Variants in PCGF5 observed in about 807,000 individuals in gnomAD.
PCGF5 encodes polycomb group ring finger 5.
PCGF5 carries 9 observed loss-of-function variants against 44.3 expected under a neutral mutation model. The ratio of observed to expected loss-of-function variants is 0.20; its 90% CI spans 0.12 to 0.35. PCGF5 has a LOEUF of 0.35. Ranked by LOEUF, PCGF5 falls within the 10% of genes least tolerant of loss-of-function variation. The pLI is 1.00. For missense variants in PCGF5, 146 were observed against 305.3 expected, an observed-to-expected ratio of 0.48 and a Z score of 3.89; for synonymous variants, 95 against 102.5, an observed-to-expected ratio of 0.93 and a Z score of 0.44.
chr10:91,263,857 A>G (rs1323485289), intron 7 of PCGF5, among the ~76,000 whole-genome samples: 4 of 152,216 alleles, frequency 2.6e-5, no homozygotes, highest in Non-Finnish European at 4.4e-5. Flanking sequence ...CCTGTGGCAT[A>G]GTCGTAACTT....
chr10:91,171,923 A>G (rs1337283730), intron 1 of PCGF5, among the ~76,000 whole-genome samples: 3 of 152,324 alleles, frequency 2.0e-5, no homozygotes, highest in South Asian at 2.1e-4. Flanking sequence ...CTTTAAAACT[A>G]TGGAATACAC....
At chr10:91,184,032 T>C (rs2133198047) in intron 1 of PCGF5, among the ~76,000 whole-genome samples, 1 of 152,298 alleles carries the variant, frequency 6.6e-6, no homozygotes, top group Non-Finnish European at 1.5e-5. Context: ...CTGATGATTA[T>C]GTGTCTTGGG....
intron 1 of PCGF5, among the ~76,000 whole-genome samples, chr10:91,189,506 T>A (rs1451790646): frequency 1.3e-5 from 2 of 152,264 alleles, no homozygotes; most frequent in Non-Finnish European, 2.9e-5. Context: ...TCAAGATGAA[T>A]TCTACTTAGT....
chr10:91,185,525 C>T (rs1164530982), intron 1 of PCGF5, among the ~76,000 whole-genome samples: 1 of 152,214 alleles, frequency 6.6e-6, no homozygotes, highest in Non-Finnish European at 1.5e-5. Context: ...TGCTGAGCCC[C>T]ATGGATTCAA....
chr10:91,246,309 A>G (rs1845458674), intron 3 of PCGF5, among the ~76,000 whole-genome samples: 1 of 152,188 alleles, frequency 6.6e-6, no homozygotes, highest in African/African-American at 2.4e-5. Flanking sequence ...ATAAGGTAGC[A>G]TTGGTTTGGT....
chr10:91,259,232 T>C (rs1281438514), intron 6 of PCGF5, among the ~76,000 whole-genome samples: 1 of 152,182 alleles, frequency 6.6e-6, no homozygotes, highest in Non-Finnish European at 1.5e-5. Flanking sequence ...AGTAAAGTAC[T>C]GGCACAGCCT....
In PCGF5 at chr10:91,163,947, C is replaced by G. The variant is rs1589342941; in HGVS notation, c.-184+866C>G. 1.3e-5 allele frequency among the ~76,000 whole-genome samples: 2 copies of G among 152,348 alleles called. 1 individual carries two copies. Among genetic ancestry groups the G allele is most frequent in the East Asian group, 3.9e-4 (2 of 5,170 alleles). On this transcript the variant is annotated intron_variant, in intron 1 of 9. Transcript: ENST00000614189. ...TTTTTCGCTGCCACCTCTCCTGGGT[C>G]TACAGGTTTCTGGCCCCAGGCGTTT...
At chr10:91,263,035 G>GT (rs1288489424) in intron 7 of PCGF5, among the ~76,000 whole-genome samples, 1 of 152,186 alleles carries the variant, frequency 6.6e-6, no homozygotes, top group Non-Finnish European at 1.5e-5. Flanking sequence ...GGAAGGGGGA[G>GT]AGATTCAGTA....
At chr10:91,240,953 T>C (rs1363930775) in intron 3 of PCGF5, among the ~76,000 whole-genome samples, 2 of 151,166 alleles carry the variant, frequency 1.3e-5, no homozygotes, top group African/African-American at 4.8e-5. Flanking sequence ...ATTTACCATA[T>C]ATTCAAAAAG....
intron 3 of PCGF5, among the ~76,000 whole-genome samples, chr10:91,244,209 A>T (rs779893367): frequency 6.6e-6 from 1 of 152,126 alleles, no homozygotes; most frequent in Non-Finnish European, 1.5e-5. Flanking sequence ...TGCAATTTTA[A>T]ATAAGATGGT....
rs1846487781 is a variant in PCGF5 at position 91,282,893 on chromosome 10, A to G, written c.*4577A>G. The G allele has an allele frequency of 6.6e-6, 1 of 152,614 alleles. No individual in the cohort carries two copies. The highest frequency in any genetic ancestry group is 2.4e-5 in the African/African-American group (1 of 41,468). 9.5% of individuals were successfully genotyped at this position (152,614 alleles called of 1,614,324 possible). A position where few individuals can be genotyped will look rare whatever the true frequency, so the allele number is the denominator to read the frequency against. On this transcript the variant is annotated 3_prime_UTR_variant, in exon 10 of 10. Coordinates refer to ENST00000336126, the MANE Select transcript of PCGF5 (RefSeq NM_032373.5). ...GAAACACAAAACTTGAAATGCAATTATCAATATTTTGTAATATATATTCCT... is the reference window on the plus strand; with the variant it reads ...GAAACACAAAACTTGAAATGCAATTGTCAATATTTTGTAATATATATTCCT...
chr10:91,192,060 A>C (rs1386199438), intron 1 of PCGF5, among the ~76,000 whole-genome samples: 2 of 152,014 alleles, frequency 1.3e-5, no homozygotes, highest in Non-Finnish European at 2.9e-5. Context: ...TTGGCTCCAA[A>C]ATTATTTTTT....
chr10:91,223,042 T>A, intron 2 of PCGF5, 59 bp downstream of exon 2: 1 of 1,126,676 alleles, frequency 8.9e-7, no homozygotes, highest in Non-Finnish European at 1.3e-6. Context: ...TTTGTTCTTT[T>A]AAAATTGCCA....
At chr10:91,242,445 G>A (rs1228373634) in intron 3 of PCGF5, among the ~76,000 whole-genome samples, 1 of 151,824 alleles carries the variant, frequency 6.6e-6, no homozygotes, top group Non-Finnish European at 1.5e-5. Flanking sequence ...AAAACAGACA[G>A]TTAATAATTA....
At chr10:91,168,599 G>T (rs886180978) in intron 1 of PCGF5, among the ~76,000 whole-genome samples, 3 of 152,026 alleles carry the variant, frequency 2.0e-5, no homozygotes, top group African/African-American at 7.3e-5. Context: ...AGAAGGCAAT[G>T]ACTTGAGGCA....
intron 1 of PCGF5, among the ~76,000 whole-genome samples, chr10:91,201,990 T>G (rs1009247216): frequency 1.3e-5 from 2 of 152,028 alleles, no homozygotes; most frequent in African/African-American, 4.8e-5. Flanking sequence ...GGTCCTGGAC[T>G]TGGGAGCTAC....
rs1297756250 is a variant in PCGF5 at position 91,251,332 on chromosome 10, A to T, written c.366A>T (p.Glu122Asp). ...CTGACAAACCGAAAGTAGATGAAGA[A>T]GGTGATGAAAATGAAGATGATAAAG... ...SKADKPKVDEEGDENEDDKDY... is the reference protein window; with the variant it reads ...SKADKPKVDEDGDENEDDKDY... The change falls in exon 6 of 10, where the codon GAA becomes GAT. Residue 122 changes from glutamate (E) to aspartate (D), a missense_variant. Around this residue, in one of 3 missense-constraint regions of PCGF5, gnomAD observed 123 missense variants for 268.6 expected, o/e 0.46. Coordinates refer to ENST00000336126, the MANE Select transcript of PCGF5 (RefSeq NM_032373.5). 1 of 1,610,480 alleles carries T rather than the reference A, an allele frequency of 6.2e-7. No individual in the cohort carries two copies. Among genetic ancestry groups the T allele is most frequent in the Admixed American group, 1.7e-5 (1 of 59,744 alleles).
chr10:91,266,064 G>A (rs182875989), intron 8 of PCGF5, among the ~76,000 whole-genome samples: 1 of 152,154 alleles, frequency 6.6e-6, no homozygotes, highest in Non-Finnish European at 1.5e-5. Context: ...CAACCAAAAT[G>A]TTCCAGGTAC....
At chr10:91,263,792 T>C (rs992689745) in intron 7 of PCGF5, among the ~76,000 whole-genome samples, 3 of 152,170 alleles carry the variant, frequency 2.0e-5, no homozygotes, top group African/African-American at 7.2e-5. Flanking sequence ...GTAAGTATTG[T>C]GCAAATCACT....
Sources: gnomAD v4.1 joint callset for allele counts (sites outside exome capture counted in the v4.1 genomes callset) on GRCh38, gnomAD v4.1.1 for gene constraint, gnomAD v4.1.1 regional missense constraint, MANE v1.5 for transcripts, NCBI Gene and HGNC (gene_info 2026-07-23, HGNC 2026-07-21) for gene names.